The following CCDC169 variants were observed in gnomAD, a reference collection of about 807,000 sequenced individuals.
The protein encoded by CCDC169 is coiled-coil domain containing 169.
In CCDC169, 30 loss-of-function variants were observed where a neutral mutation model predicts 36.0. That is an observed-to-expected ratio of 0.83 (90% confidence interval 0.62 to 1.13). The LOEUF is 1.13. Ranked by LOEUF, CCDC169 falls within the 50% of genes most tolerant of loss-of-function variation. The probability of loss-of-function intolerance (pLI) is 0.00; values close to 1 mark genes in which losing one functional copy is unlikely to be tolerated. For missense variants in CCDC169, 245 were observed against 245.9 expected (o/e 1.00, Z 0.03); for synonymous variants, 85 against 81.5 (o/e 1.04, Z -0.23).
intron 2 of CCDC169, among the ~76,000 whole-genome samples, chr13:36,295,037 A>G (rs1157756199): frequency 6.6e-6 from 1 of 152,110 alleles, no homozygotes; most frequent in Non-Finnish European, 1.5e-5. Context: ...CTCCTCCCTT[A>G]TAAATGCCCA....
chr13:36,256,800 C>A (rs1873939978), intron 4 of CCDC169, among the ~76,000 whole-genome samples: 1 of 152,244 alleles, frequency 6.6e-6, no homozygotes, highest in Non-Finnish European at 1.5e-5. Context: ...CTCTTCCCTT[C>A]TTCTCACTGC....
chr13:36,295,638 C>T, intron 2 of CCDC169, 140 bp downstream of exon 2: 1 of 463,308 alleles, frequency 2.2e-6, no homozygotes, highest in Admixed American at 4.1e-5. Context: ...CTATCATAAA[C>T]TATCATTAAT....
At chr13:36,260,824 G>A (rs1391161355) in intron 4 of CCDC169, among the ~76,000 whole-genome samples, 1 of 152,084 alleles carries the variant, frequency 6.6e-6, no homozygotes, top group African/African-American at 2.4e-5. Context: ...TTTCTTTTCT[G>A]AATGCTACTT....
At chr13:36,265,320 A>G (rs1356727555) in intron 4 of CCDC169, among the ~76,000 whole-genome samples, 1 of 152,222 alleles carries the variant, frequency 6.6e-6, no homozygotes, top group African/African-American at 2.4e-5. Context: ...TTCAAGATAT[A>G]TACACGTTCT....
At chr13:36,293,659 A>T (rs1255622390) in intron 2 of CCDC169, among the ~76,000 whole-genome samples, 1 of 152,118 alleles carries the variant, frequency 6.6e-6, no homozygotes, top group African/African-American at 2.4e-5. Context: ...AAGGTACAAG[A>T]GGCATTTCTG....
rs940065456 is a variant in CCDC169, at chr13:36,283,540, T to A, written c.275-31A>T. 1.3e-5 allele frequency: 20 copies of A among 1,550,642 alleles called. No individual in the cohort carries two copies. In the Admixed American group the frequency reaches 2.2e-4, roughly 17 times the overall value. ...ATAAATCAAATATGAGCACTTAATG[T>A]TTTATCAGTTTTAACTCAAATTATA... On this transcript the variant is annotated intron_variant, in intron 3 of 7. Transcript: ENST00000239859.
chr13:36,247,632 C>T (rs1458973211), intron 7 of CCDC169, among the ~76,000 whole-genome samples: 1 of 152,046 alleles, frequency 6.6e-6, no homozygotes, highest in African/African-American at 2.4e-5. Flanking sequence ...AGAAGTAGAG[C>T]CTGAAGAGGT....
chr13:36,228,831 C>T (rs1870124563), downstream of CCDC169, among the ~76,000 whole-genome samples: 1 of 152,132 alleles, frequency 6.6e-6, no homozygotes, highest in Non-Finnish European at 1.5e-5. Flanking sequence ...GGGGTGTGAG[C>T]CACCATGTCC....
In CCDC169 at chr13:36,289,533, T is replaced by C. The variant is rs185301604; in HGVS notation, c.164-5831A>G. ...CACATTCTTCCTATGTCTGATTAAA[T>C]TCAAGAATATTTTTCATCAGGTTTA... On this transcript the variant is annotated intron_variant, in intron 2 of 7. Coordinates refer to ENST00000239859, the MANE Select transcript of CCDC169 (RefSeq NM_001144981.3). Among the ~76,000 whole-genome samples the C allele has an allele frequency of 9.2e-4, 140 of 152,332 alleles. 2 individuals are homozygous for C. The highest frequency in any genetic ancestry group is 3.2e-3 in the African/African-American group (135 of 41,568).
intron 6 of CCDC169, 71 bp downstream of exon 6, chr13:36,253,732 A>C (rs1873468178): frequency 1.3e-6 from 2 of 1,504,888 alleles, no homozygotes; most frequent in Non-Finnish European, 1.8e-6. Flanking sequence ...CAAAAACAAA[A>C]CCTAGAAAAG....
At chr13:36,236,855 T>G (rs1168029905) in intron 7 of CCDC169, among the ~76,000 whole-genome samples, 1 of 152,000 alleles carries the variant, frequency 6.6e-6, no homozygotes, top group Non-Finnish European at 1.5e-5. Flanking sequence ...CCAAGGGTGA[T>G]TGGTTCCAGG....
At chr13:36,281,214 C>T (rs1391685848) in intron 4 of CCDC169, 2 of 437,722 alleles carry the variant, frequency 4.6e-6, no homozygotes, top group Middle Eastern at 3.3e-4. Flanking sequence ...TTCCTGAAGG[C>T]ATTATACAGC....
At chr13:36,293,443 C>A (rs780786753) in intron 2 of CCDC169, among the ~76,000 whole-genome samples, 11 of 152,162 alleles carry the variant, frequency 7.2e-5, no homozygotes, top group Non-Finnish European at 1.3e-4. Flanking sequence ...CCATGTGTTG[C>A]TCTGTAATGT....
At chr13:36,246,683 G>T (rs2138442060) in intron 7 of CCDC169, among the ~76,000 whole-genome samples, 2 of 152,308 alleles carry the variant, frequency 1.3e-5, no homozygotes, top group South Asian at 4.1e-4. Flanking sequence ...ATGTGTTGCA[G>T]CAAGTTACCC....
chr13:36,234,210 T>C (rs1870794411), intron 7 of CCDC169, among the ~76,000 whole-genome samples: 1 of 152,202 alleles, frequency 6.6e-6, no homozygotes, highest in African/African-American at 2.4e-5. Context: ...GACTCCCATG[T>C]ATACATATTA....
At chr13:36,230,737 T>C (rs1357913075), downstream of CCDC169, 8 of 982,716 alleles carry the variant, frequency 8.1e-6, no homozygotes, top group African/African-American at 7.0e-5. Flanking sequence ...TACGATACCA[T>C]AATATTTCAA....
At position 36,255,692 on chromosome 13, in the gene CCDC169, G is replaced by A. The variant is rs558195786; in HGVS notation, c.316-1549C>T. Among the ~76,000 whole-genome samples, 41 of 146,324 alleles carry A rather than the reference G, an allele frequency of 2.8e-4. No homozygotes were observed. In the East Asian group the frequency reaches 4.2e-3, roughly 15 times the overall value. On this transcript the variant is annotated intron_variant, in intron 4 of 7. Coordinates refer to ENST00000239859, the MANE Select transcript of CCDC169 (RefSeq NM_001144981.3). ...AAAAAAAAAAAGAGGCCTGCTTGCC[G>A]ATCAGACTTTGGACTTGTCCTGTGA...
intron 4 of CCDC169, among the ~76,000 whole-genome samples, chr13:36,254,962 C>G (rs1322355891): frequency 1.3e-5 from 2 of 152,130 alleles, no homozygotes; most frequent in Non-Finnish European, 2.9e-5. Context: ...TCCTTTGGCA[C>G]TTCCTGGCCC....
chr13:36,294,491 G>T (rs1172195119), intron 2 of CCDC169, among the ~76,000 whole-genome samples: 1 of 152,090 alleles, frequency 6.6e-6, no homozygotes, highest in African/African-American at 2.4e-5. Flanking sequence ...AAAGCACTGG[G>T]TACTTATAGA....
Sources: gnomAD v4.1 joint callset for allele counts (sites outside exome capture counted in the v4.1 genomes callset) on GRCh38, gnomAD v4.1.1 for gene constraint, MANE v1.5 for transcripts, NCBI Gene and HGNC (gene_info 2026-07-23, HGNC 2026-07-21) for gene names.